The following UBE2E3 variants were observed in gnomAD, a reference collection of about 807,000 sequenced individuals.
UBE2E3 encodes the protein ubiquitin-conjugating enzyme E2 E3.
Under a neutral mutation model 23.6 loss-of-function variants are expected in UBE2E3, and 5 were observed. That is an observed-to-expected ratio of 0.21 (90% CI 0.11 to 0.44). UBE2E3 has a LOEUF of 0.44. Ranked by LOEUF, UBE2E3 falls within the 20% of genes least tolerant of loss-of-function variation. The pLI, the probability that UBE2E3 is intolerant of heterozygous loss-of-function variation, is 0.99. For synonymous variants in UBE2E3, 78 were observed against 87.5 expected, an observed-to-expected ratio of 0.89 and a Z score of 0.60; for missense variants, 81 against 249.8, an observed-to-expected ratio of 0.32 and a Z score of 4.55.
At chr2:180,997,056 C>G (rs1268843829) in intron 3 of UBE2E3, among the ~76,000 whole-genome samples, 2 of 151,524 alleles carry the variant, frequency 1.3e-5, no homozygotes, top group East Asian at 1.9e-4. Flanking sequence ...TTTCCACTTA[C>G]AGGGAAACTT....
intron 3 of UBE2E3, among the ~76,000 whole-genome samples, chr2:181,006,346 A>G (rs139780061): frequency 1.4e-3 from 203 of 150,114 alleles, no homozygotes; most frequent in Admixed American, 3.0e-3. Flanking sequence ...TCCCTGTTCA[A>G]TGTATATGCA....
chr2:181,047,376 G>T (rs568242798), intron 3 of UBE2E3, among the ~76,000 whole-genome samples: 5 of 152,190 alleles, frequency 3.3e-5, no homozygotes, highest in African/African-American at 1.2e-4. Context: ...GTGTATCAAG[G>T]TCTCACAAAT....
intron 3 of UBE2E3, among the ~76,000 whole-genome samples, chr2:181,054,230 A>ATCACAC (rs1686925181): frequency 6.6e-6 from 1 of 151,844 alleles, no homozygotes; most frequent in Non-Finnish European, 1.5e-5. Flanking sequence ...TGATTACTGG[A>ATCACAC]TCTTATGGTA....
chr2:181,003,109 A>G (rs1347864480), intron 3 of UBE2E3, among the ~76,000 whole-genome samples: 1 of 152,248 alleles, frequency 6.6e-6, no homozygotes, highest in African/African-American at 2.4e-5. Context: ...TATGTCCTGA[A>G]CATCACTTTT....
At chr2:181,050,749 T>A (rs977270493) in intron 3 of UBE2E3, among the ~76,000 whole-genome samples, 5 of 151,838 alleles carry the variant, frequency 3.3e-5, no homozygotes, top group Non-Finnish European at 7.4e-5. Flanking sequence ...TCTGTGAAAT[T>A]GTGATAAAAA....
intron 3 of UBE2E3, among the ~76,000 whole-genome samples, chr2:181,000,194 A>G (rs1159405402): frequency 6.6e-6 from 1 of 152,236 alleles, no homozygotes; most frequent in Non-Finnish European, 1.5e-5. Flanking sequence ...ACTGTATTAT[A>G]AAACAAACAC....
intron 3 of UBE2E3, among the ~76,000 whole-genome samples, chr2:181,023,022 T>C (rs1266389506): frequency 6.6e-6 from 1 of 152,250 alleles, no homozygotes; most frequent in African/African-American, 2.4e-5. Flanking sequence ...TAATGTTTTT[T>C]ACGATGGTGA....
intron 4 of UBE2E3, among the ~76,000 whole-genome samples, chr2:181,059,214 A>G (rs1017005082): frequency 6.6e-6 from 1 of 151,760 alleles, no homozygotes; most frequent in Admixed American, 6.6e-5. Context: ...GATTTCTGGT[A>G]TAATCTTGGT....
chr2:181,043,241 C>T (rs1686568363), intron 3 of UBE2E3, among the ~76,000 whole-genome samples: 1 of 151,970 alleles, frequency 6.6e-6, no homozygotes. Flanking sequence ...TATTTTTTTA[C>T]TAAATACTTA....
At chr2:181,061,072 C>A (rs1020574531) in intron 5 of UBE2E3, among the ~76,000 whole-genome samples, 4 of 150,744 alleles carry the variant, frequency 2.7e-5, no homozygotes, top group Non-Finnish European at 5.9e-5. Context: ...TTAATGGAAT[C>A]TCTACTTTTA....
intron 3 of UBE2E3, among the ~76,000 whole-genome samples, chr2:181,038,422 C>G (rs1686368401): frequency 6.6e-6 from 1 of 152,114 alleles, no homozygotes; most frequent in African/African-American, 2.4e-5. Context: ...TTTCTGAGGT[C>G]ATATTCTTGT....
At chr2:181,034,749 T>C (rs1243966419) in intron 3 of UBE2E3, among the ~76,000 whole-genome samples, 1 of 152,226 alleles carries the variant, frequency 6.6e-6, no homozygotes, top group Non-Finnish European at 1.5e-5. Flanking sequence ...TAAAGTTTAG[T>C]GTGAACCTTG....
At chr2:181,062,703 A>G in intron 5 of UBE2E3, 88 bp from the exon 6 acceptor site, 1 of 638,266 alleles carries the variant, frequency 1.6e-6, no homozygotes, top group Non-Finnish European at 2.5e-6. Flanking sequence ...CTGCTGAAAA[A>G]TAAGCATTTC....
rs937868314 is a variant in UBE2E3, at chr2:181,060,711, G to C, written c.425G>C (p.Gly142Ala). The C allele has an allele frequency of 6.2e-7, 1 of 1,610,670 alleles. No homozygotes were observed. The highest frequency in any genetic ancestry group is 1.3e-5 in the African/African-American group (1 of 74,462). ...RIYHCNINSQGVICLDILKDN... is the reference protein window; with the variant it reads ...RIYHCNINSQAVICLDILKDN... Reference sequence around the variant, plus strand: ...TATCACTGCAACATCAACAGTCAGGGAGTCATCTGTCTGGACATCCTTAAA... The same window carrying C: ...TATCACTGCAACATCAACAGTCAGGCAGTCATCTGTCTGGACATCCTTAAA... The change falls in exon 5 of 6, where the codon GGA becomes GCA. Residue 142 changes from glycine to alanine, a missense_variant. Transcript: ENST00000410062.
chr2:181,033,284 A>G (rs1254600818), intron 3 of UBE2E3, among the ~76,000 whole-genome samples: 1 of 152,204 alleles, frequency 6.6e-6, no homozygotes, highest in Non-Finnish European at 1.5e-5. Context: ...AAACTATACT[A>G]CAAGGCTACA....
Position 181,030,035 on chromosome 2 carries a change from T to C in UBE2E3, c.246-27658T>C, listed in dbSNP as rs1285238291. 3.9e-5 allele frequency among the ~76,000 whole-genome samples: 6 copies of C among 151,976 alleles called. No individual in the cohort carries two copies. In the East Asian group the frequency reaches 5.8e-4, roughly 15 times the overall value. Reference sequence around the variant, plus strand: ...TTTTAGTAGAGACCAGGTTTCATCATGTTGGCCAGGATTTTCTTGATTCCT... The same window carrying C: ...TTTTAGTAGAGACCAGGTTTCATCACGTTGGCCAGGATTTTCTTGATTCCT... On this transcript the variant is annotated intron_variant, in intron 3 of 5. Transcript: ENST00000410062.
intron 3 of UBE2E3, among the ~76,000 whole-genome samples, chr2:181,002,953 C>T (rs550283580): frequency 2.6e-5 from 4 of 152,296 alleles, no homozygotes; most frequent in South Asian, 2.1e-4. Flanking sequence ...ACTCAACACC[C>T]GGTACAAAAA....
At chr2:181,006,893 T>C (rs1050717784) in intron 3 of UBE2E3, among the ~76,000 whole-genome samples, 3 of 152,210 alleles carry the variant, frequency 2.0e-5, no homozygotes, top group African/African-American at 7.2e-5. Flanking sequence ...ACTTAAACAT[T>C]TTCAATTTCT....
intron 3 of UBE2E3, among the ~76,000 whole-genome samples, chr2:181,015,714 C>A (rs1323017804): frequency 1.3e-5 from 2 of 151,982 alleles, no homozygotes; most frequent in African/African-American, 4.8e-5. Context: ...AAAATAAATA[C>A]CACAAATTCC....
Sources: allele counts gnomAD v4.1 joint callset (sites outside exome capture counted in the v4.1 genomes callset), GRCh38; gene constraint gnomAD v4.1.1; transcripts MANE v1.5; gene names NCBI Gene and HGNC (gene_info 2026-07-23, HGNC 2026-07-21).